The following CES1 variants were observed in gnomAD, a reference collection of about 807,000 sequenced individuals.
The protein encoded by CES1 is liver carboxylesterase 1.
In CES1, 50 loss-of-function variants were observed where a neutral mutation model predicts 53.0. The observed-to-expected ratio is 0.94, with a 90% confidence interval of 0.75 to 1.19. CES1 has a LOEUF of 1.19. Among genes scored for constraint, CES1 ranks in the 50% most tolerant of loss-of-function variants. The pLI, the probability that CES1 is intolerant of heterozygous loss-of-function variation, is 0.00. For synonymous variants in CES1, 202 were observed against 210.1 expected (o/e 0.96, Z 0.33); for missense variants, 534 against 538.0 (o/e 0.99, Z 0.07).
At position 55,821,383 on chromosome 16, in the gene CES1, T is replaced by A. The variant is rs1173251577; in HGVS notation, c.678A>T (p.Glu226Asp). 1 of 1,614,176 alleles carries A rather than the reference T, an allele frequency of 6.2e-7. No individual in the cohort carries two copies. Among genetic ancestry groups the A allele is most frequent in the African/African-American group, 1.3e-5 (1 of 75,020 alleles). Residue 226 changes from glutamate to aspartate, a missense_variant, in exon 5 of 14, where the codon GAA becomes GAT. Coordinates refer to ENST00000360526, the MANE Select transcript of CES1 (RefSeq NM_001025195.2). ...GAAAACTCACAAGAACAGAGACACT[T>A]TCTCCTCCCGCTGACTCTCCAAAGA... Reference protein sequence around the residue: ...VTIFGESAGGESVSVLVLSPL... With the variant: ...VTIFGESAGGDSVSVLVLSPL...
intron 5 of CES1, 83 bp downstream of exon 5, chr16:55,821,285 C>A (rs374555794): frequency 6.5e-7 from 1 of 1,537,868 alleles, no homozygotes; most frequent in African/African-American, 1.4e-5. Context: ...CAGAGGTATC[C>A]ATAGCTGGAT....
intron 8 of CES1, 147 bp from the exon 9 acceptor site, chr16:55,813,190 G>T (rs1330789283): frequency 7.2e-6 from 8 of 1,114,608 alleles, no homozygotes; most frequent in South Asian, 1.3e-5. Context: ...AACTTAGGGG[G>T]GTAGGTCTCC....
intron 5 of CES1, among the ~76,000 whole-genome samples, chr16:55,820,911 C>T (rs1468172888): frequency 6.6e-6 from 1 of 152,212 alleles, no homozygotes; most frequent in African/African-American, 2.4e-5. Flanking sequence ...CCAGCCTGCT[C>T]AGTGTCCATG....
rs114275306 is a variant in CES1, at chr16:55,819,547, C to G, written c.894G>C (p.Thr298=). ...RQKTEEELLE[T]TLKMKFLSLD... is the part of the protein sequence containing the mutation. ...ACAGGCAACCTACCATTTTCAATGT[C>G]GTCTCCAAGAGCTCCTCTTCCGTCT... Residue 298 remains threonine, a synonymous_variant, in exon 7 of 14, where the codon ACG becomes ACC. Transcript: ENST00000360526. 2 of 1,613,340 alleles carry G rather than the reference C, an allele frequency of 1.2e-6. No homozygotes were observed. Among genetic ancestry groups the G allele is most frequent in the African/African-American group, 2.7e-5 (2 of 74,874 alleles).
In CES1 at chr16:55,819,908, C is replaced by T. The variant is rs2032103007; in HGVS notation, c.802-269G>A. The T allele has an allele frequency of 8.5e-6, 5 of 587,342 alleles. No individual in the cohort carries two copies. The East Asian group carries it at 1.4e-4, about 17-fold the overall frequency. 36.4% of individuals were successfully genotyped at this position (587,342 alleles called of 1,614,324 possible). A position where few individuals can be genotyped will look rare whatever the true frequency, so the allele number is the denominator to read the frequency against. ...CATAATCATCTCAAGGTGAATGTGT[C>T]AAGAAATGTGAGGTGGAGCTGGGAT... On this transcript the variant is annotated intron_variant, in intron 6 of 13. Coordinates refer to ENST00000360526, the MANE Select transcript of CES1 (RefSeq NM_001025195.2).
intron 8 of CES1, among the ~76,000 whole-genome samples, chr16:55,815,087 C>A (rs1339298377): frequency 3.9e-5 from 6 of 152,220 alleles, no homozygotes; most frequent in Non-Finnish European, 7.3e-5. Context: ...AATTTCTAAA[C>A]AGTGGGAACC....
intron 8 of CES1, among the ~76,000 whole-genome samples, chr16:55,815,812 T>A (rs1356376140): frequency 6.6e-6 from 1 of 152,232 alleles, no homozygotes; most frequent in Admixed American, 6.5e-5. Context: ...CAGAGACCTT[T>A]GTGAGATCTA....
chr16:55,812,976 G>T lies in CES1; in HGVS notation c.1013C>A (p.Ala338Asp). 1 of 1,614,070 alleles carries T rather than the reference G, an allele frequency of 6.2e-7. No individual in the cohort carries two copies. Among genetic ancestry groups the T allele is most frequent in the Non-Finnish European group, 8.5e-7 (1 of 1,179,954 alleles). ...GGGGACAGTGTGGAAATTCCTTTCA[G>T]CTTGAAGCTCTTCAGGTGTTTTCAG... ...LLLKTPEELQ[A>D]ERNFHTVPYM... Residue 338 changes from alanine to aspartate, a missense_variant, in exon 9 of 14, where the codon GCT becomes GAT. Physicochemically the swap from Ala to Asp is moderately radical, Grantham distance 126. Around this residue, in one of 5 missense-constraint regions of CES1, gnomAD observed 269 missense variants for 206.6 expected, o/e 1.30. Coordinates refer to ENST00000360526, the MANE Select transcript of CES1 (RefSeq NM_001025195.2).
chr16:55,832,034 C>T (rs1162466453), intron 1 of CES1, among the ~76,000 whole-genome samples: 1 of 152,240 alleles, frequency 6.6e-6, no homozygotes, highest in Admixed American at 6.5e-5. Context: ...AGCCCACACC[C>T]CAACTGCCTC....
At chr16:55,824,690 G>A (rs571548405) in intron 3 of CES1, among the ~76,000 whole-genome samples, 1 of 152,238 alleles carries the variant, frequency 6.6e-6, no homozygotes, top group Non-Finnish European at 1.5e-5. Context: ...TCCACTGTTA[G>A]GGCAGGGGTA....
chr16:55,826,198 G>C lies in CES1; in HGVS notation c.358C>G (p.Leu120Val), dbSNP rs368654524. Residue 120 changes from leucine (L) to valine (V), a missense_variant, in exon 3 of 14, where the codon CTC (leucine) becomes GTC (valine). Leu to Val is a conservative substitution (Grantham distance 32). Transcript: ENST00000360526. ...PLKLSEDCLY[L>V]NIYTPADLTK... is the part of the protein sequence containing the mutation. The stretch of plus-strand genomic sequence containing the variant: ...AAGTCAGCAGGAGTGTAAATATTGA[G>C]GTAAAGACAGTCTTCAGAAAGCTTG... The C allele has an allele frequency of 8.7e-6, 14 of 1,613,814 alleles. No homozygotes were observed. The African/African-American group carries it at 9.3e-5, about 11-fold the overall frequency.
At chr16:55,830,827 C>A (rs113078382) in intron 1 of CES1, among the ~76,000 whole-genome samples, 1,077 of 46,420 alleles carry the variant, frequency 0.023, 5 homozygotes, top group Middle Eastern at 0.049. Context: ...GGAAGGCAGG[C>A]AGGCAGGCAG....
chr16:55,830,644 A>G (rs2032601987), intron 1 of CES1, among the ~76,000 whole-genome samples: 1 of 152,050 alleles, frequency 6.6e-6, no homozygotes, highest in Non-Finnish European at 1.5e-5. Flanking sequence ...CTCTACTGAA[A>G]ATAGAAAAAT....
At position 55,810,524 on chromosome 16, in the gene CES1, G is replaced by T. The variant is rs772067848; in HGVS notation, c.1311C>A (p.Asn437Lys). 8 of 1,614,004 alleles carry T rather than the reference G, an allele frequency of 5.0e-6. No homozygotes were observed. The highest frequency in any genetic ancestry group is 6.8e-6 in the Non-Finnish European group (8 of 1,180,032). The change falls in exon 11 of 14, where the codon AAC becomes AAA. Residue 437 changes from asparagine to lysine, a missense_variant. This residue lies in a region of CES1 where 269 missense variants were observed against 206.6 expected (regional missense o/e 1.30). Coordinates refer to ENST00000360526, the MANE Select transcript of CES1 (RefSeq NM_001025195.2). Reference protein sequence around the residue: ...FGVPSVIVARNHRDAGAPTYM... With the variant: ...FGVPSVIVARKHRDAGAPTYM... ...TCGACCTCTGGGACTCACCTCTGTG[G>T]TTCCGGGCCACAATCACAGATGGGA...
intron 9 of CES1, among the ~76,000 whole-genome samples, chr16:55,811,439 A>G (rs1968753): frequency 0.66 from 99,728 of 150,900 alleles, 34,164 homozygotes; most frequent in Non-Finnish European, 0.76. Flanking sequence ...GAAATCCTTA[A>G]ATCCTGTCTT....
At chr16:55,822,541 C>T (rs2032241280) in intron 4 of CES1, among the ~76,000 whole-genome samples, 1 of 151,910 alleles carries the variant, frequency 6.6e-6, no homozygotes, top group Non-Finnish European at 1.5e-5. Context: ...CAGTGGGAGT[C>T]AAGGATTCAA....
At chr16:55,814,064 A>C (rs2031826244) in intron 8 of CES1, among the ~76,000 whole-genome samples, 2 of 152,222 alleles carry the variant, frequency 1.3e-5, no homozygotes, top group African/African-American at 4.8e-5. Flanking sequence ...ATGATTAATG[A>C]GGAAGAGATT....
At chr16:55,815,892 C>T (rs567799446) in intron 8 of CES1, among the ~76,000 whole-genome samples, 2 of 152,406 alleles carry the variant, frequency 1.3e-5, no homozygotes, top group African/African-American at 2.4e-5. Context: ...AATCCAAGTA[C>T]TTTAATTGAT....
At chr16:55,830,204 A>G (rs2032582140) in intron 1 of CES1, among the ~76,000 whole-genome samples, 1 of 152,248 alleles carries the variant, frequency 6.6e-6, no homozygotes, top group Admixed American at 6.5e-5. Flanking sequence ...CCAGTTACAC[A>G]ACAGCATCCA....
Sources: gnomAD v4.1 joint callset for allele counts (sites outside exome capture counted in the v4.1 genomes callset) on GRCh38, gnomAD v4.1.1 for gene constraint, gnomAD v4.1.1 regional missense constraint, MANE v1.5 for transcripts, NCBI Gene and HGNC (gene_info 2026-07-23, HGNC 2026-07-21) for gene names.